The following GSTA4 variants were observed in gnomAD, a reference collection of about 807,000 sequenced individuals.
GSTA4 encodes the protein glutathione S-transferase alpha 4, also known as glutathione S-transferase A4.
A neutral mutation model predicts 24.4 loss-of-function variants in GSTA4; 15 were observed. The observed-to-expected ratio is 0.61, with a 90% CI of 0.41 to 0.95. The LOEUF (loss-of-function observed/expected upper bound fraction) is 0.95. GSTA4 is among the 40% of genes least tolerant of loss of function. The pLI is 0.00. For missense variants in GSTA4, 244 were observed against 262.1 expected (o/e 0.93, Z 0.48); for synonymous variants, 92 against 94.2 (o/e 0.98, Z 0.13).
rs770390629 is a variant in GSTA4 at position 52,985,558 on chromosome 6, C to T, written c.165G>A (p.Val55=). 6.2e-7 allele frequency: 1 copy of T among 1,613,988 alleles called. No individual in the cohort carries two copies. Among genetic ancestry groups the T allele is most frequent in the South Asian group, 1.1e-5 (1 of 91,076 alleles). The change falls in exon 4 of 7, where the codon GTG becomes GTA. Residue 55 remains valine (V), a synonymous_variant. Transcript: ENST00000370963. ...TCATCCCGTCAATTTCAACCATGGG[C>T]ACTTGTTGGAACAGCAGGTGGTTAC... ...QDGNHLLFQQ[V]PMVEIDGMKL... is the part of the protein sequence containing the mutation.
chr6:52,994,934 C>G (rs924301576), intron 1 of GSTA4: 1 of 152,308 alleles, frequency 6.6e-6, no homozygotes, highest in African/African-American at 2.4e-5. Context: ...CATGCAGGGG[C>G]GTAGCGGCAG....
chr6:52,990,409 C>T (rs746555306), intron 2 of GSTA4, among the ~76,000 whole-genome samples: 14 of 152,150 alleles, frequency 9.2e-5, no homozygotes, highest in African/African-American at 1.7e-4. Context: ...GGCAAAGAGA[C>T]GGGGAGGGCC....
chr6:52,989,390 G>T lies in GSTA4; in HGVS notation c.88-1982C>A, dbSNP rs564674114. On this transcript the variant is annotated intron_variant, in intron 2 of 6. Coordinates refer to ENST00000370963, the MANE Select transcript of GSTA4 (RefSeq NM_001512.4). ...CTTCTGCAAGATCCAAGAACCCTCG[G>T]TTGGGGTCTGGATCAGGACCCCTTT... 1.8e-4 allele frequency among the ~76,000 whole-genome samples: 28 copies of T among 152,304 alleles called. 1 individual carries two copies. The highest frequency in any genetic ancestry group is 6.7e-4 in the African/African-American group (28 of 41,562).
Position 52,985,459 on chromosome 6 carries a change from C to T in GSTA4, c.264G>A (p.Glu88=). 2 of 1,614,038 alleles carry T rather than the reference C, an allele frequency of 1.2e-6. No individual in the cohort carries two copies. ...KHNLFGKNLK[E]RTLIDMYVEG... ...GAGAGGGGCCACAGTACAGGGTTCTCTCCTTGAGGTTCTTGCCAAAGAGAT... is the reference window on the plus strand; with the variant it reads ...GAGAGGGGCCACAGTACAGGGTTCTTTCCTTGAGGTTCTTGCCAAAGAGAT... The change falls in exon 4 of 7, where the codon GAG becomes GAA. Residue 88 remains glutamate, a synonymous_variant. Transcript: ENST00000370963.
intron 2 of GSTA4, among the ~76,000 whole-genome samples, chr6:52,992,489 G>A (rs1023859478): frequency 6.6e-6 from 1 of 152,158 alleles, no homozygotes; most frequent in African/African-American, 2.4e-5. Flanking sequence ...CAGCAACCTG[G>A]CAGAGACTAC....
intron 1 of GSTA4, 186 bp downstream of exon 1, chr6:52,995,063 G>C (rs1763745030): frequency 1.3e-5 from 2 of 152,620 alleles, no homozygotes; most frequent in Non-Finnish European, 1.5e-5. Context: ...TCCAGCCAAG[G>C]GGCCCACCTC....
chr6:52,984,891 C>T (rs1219262322), intron 4 of GSTA4, among the ~76,000 whole-genome samples: 5 of 152,162 alleles, frequency 3.3e-5, no homozygotes, highest in Admixed American at 6.5e-5. Context: ...TTGGTCTCTT[C>T]GTATGGGTCA....
intron 6 of GSTA4, among the ~76,000 whole-genome samples, chr6:52,979,565 T>C (rs1763411109): frequency 1.3e-5 from 2 of 152,244 alleles, no homozygotes; most frequent in African/African-American, 4.8e-5. Context: ...TTTGATCTAA[T>C]GAAAAATCTG....
chr6:52,986,817 C>T lies in GSTA4; in HGVS notation c.139+540G>A, dbSNP rs945610937. ...GGAGGCTGCTCACAGGGTTGATGGG[C>T]GCATTCTTTATGGGTCTGCTGGTGG... On this transcript the variant is annotated intron_variant, in intron 3 of 6. Transcript: ENST00000370963. Among the ~76,000 whole-genome samples, 71 of 152,072 alleles carry T rather than the reference C, an allele frequency of 4.7e-4. 2 individuals carry two copies. Among genetic ancestry groups the T allele is most frequent in the South Asian group, 2.1e-4 (1 of 4,820 alleles).
At chr6:52,987,562 T>C (rs941605184) in intron 2 of GSTA4, 154 bp from the exon 3 acceptor site, 8 of 548,312 alleles carry the variant, frequency 1.5e-5, no homozygotes, top group Non-Finnish European at 2.6e-5. Flanking sequence ...AGACTGCATG[T>C]TCTGATTCAT....
chr6:52,989,975 G>A (rs1763633241), intron 2 of GSTA4, among the ~76,000 whole-genome samples: 1 of 151,626 alleles, frequency 6.6e-6, no homozygotes, highest in Non-Finnish European at 1.5e-5. Flanking sequence ...CTCCCAAGAA[G>A]CTGAGATTAT....
intron 3 of GSTA4, among the ~76,000 whole-genome samples, chr6:52,986,033 C>T (rs45460093): frequency 0.17 from 25,425 of 151,526 alleles, 2,389 homozygotes; most frequent in Non-Finnish European, 0.2. Flanking sequence ...GGCAACAGAG[C>T]AAGACTCTAC....
intron 6 of GSTA4, among the ~76,000 whole-genome samples, chr6:52,979,127 A>G (rs545594814): frequency 3.8e-4 from 58 of 152,318 alleles, no homozygotes; most frequent in African/African-American, 1.4e-3. Context: ...CTCACTGAAA[A>G]CACCTCCAGT....
intron 2 of GSTA4, 38 bp from the exon 3 acceptor site, chr6:52,987,446 G>A (rs755207099): frequency 1.2e-5 from 13 of 1,072,298 alleles, no homozygotes; most frequent in Non-Finnish European, 1.7e-5. Flanking sequence ...ATACATAGTG[G>A]AATATTATTC....
chr6:52,982,475 T>TAC (rs3831189), intron 6 of GSTA4, 99 bp downstream of exon 6: 318,100 of 575,200 alleles, frequency 0.55, 64,958 homozygotes, highest in East Asian at 0.62. Context: ...ATATTACACA[T>TAC]ACACACACAC....
intron 1 of GSTA4, 180 bp from the exon 2 acceptor site, chr6:52,994,441 A>T: frequency 1.8e-6 from 1 of 548,870 alleles, no homozygotes; most frequent in Admixed American, 3.1e-5. Context: ...CATGGAGAAA[A>T]AAACCTTGGC....
intron 3 of GSTA4, among the ~76,000 whole-genome samples, chr6:52,987,026 T>C (rs1763574845): frequency 6.9e-6 from 1 of 144,554 alleles, no homozygotes; most frequent in Admixed American, 7.1e-5. Context: ...GTGAAGGAAG[T>C]AGGGAAAGAT....
chr6:52,994,759 C>G (rs2127389382), intron 1 of GSTA4, among the ~76,000 whole-genome samples: 1 of 152,270 alleles, frequency 6.6e-6, no homozygotes, highest in African/African-American at 2.4e-5. Flanking sequence ...CTACTGTCTG[C>G]AAAATGTGCG....
chr6:52,990,576 T>C (rs1561986760), intron 2 of GSTA4, among the ~76,000 whole-genome samples: 1 of 152,214 alleles, frequency 6.6e-6, no homozygotes, highest in African/African-American at 2.4e-5. Flanking sequence ...ATGTTCTTTT[T>C]TTGTTTAACT....
Sources: allele counts gnomAD v4.1 joint callset (sites outside exome capture counted in the v4.1 genomes callset), GRCh38; gene constraint gnomAD v4.1.1; transcripts MANE v1.5; gene names NCBI Gene and HGNC (gene_info 2026-07-23, HGNC 2026-07-21).